Variants in ACO1 observed in about 807,000 individuals in gnomAD.
ACO1 encodes cytoplasmic aconitate hydratase.
In ACO1, 78 loss-of-function variants were observed where a neutral mutation model predicts 105.1. The observed-to-expected ratio is 0.74, with a 90% CI of 0.62 to 0.90. ACO1 has a LOEUF of 0.90. Ranked by LOEUF, ACO1 falls within the 40% of genes least tolerant of loss-of-function variation. The pLI is 0.00. For synonymous variants in ACO1, 364 were observed against 397.4 expected (o/e 0.92, Z 1.00); for missense variants, 965 against 1,111.1 (o/e 0.87, Z 1.87).
intron 19 of ACO1, among the ~76,000 whole-genome samples, chr9:32,446,029 A>G (rs1178127352): frequency 6.6e-6 from 1 of 152,272 alleles, no homozygotes; most frequent in Non-Finnish European, 1.5e-5. Flanking sequence ...TTTACTTCCA[A>G]TTATGTGGTC....
At chr9:32,436,197 G>A in intron 17 of ACO1, 53 bp from the exon 18 acceptor site, 1 of 1,610,170 alleles carries the variant, frequency 6.2e-7, no homozygotes, top group Non-Finnish European at 8.5e-7. Flanking sequence ...GTAAGCTAAG[G>A]TTAATCTTTG....
chr9:32,420,971 C>A lies in ACO1; in HGVS notation c.914C>A (p.Ala305Glu). The A allele has an allele frequency of 6.2e-7, 1 of 1,614,156 alleles. No homozygotes were observed. Among genetic ancestry groups the A allele is most frequent in the Non-Finnish European group, 8.5e-7 (1 of 1,180,018 alleles). Reference protein sequence around the residue: ...TIANMCPEYGATAAFFPVDEV... With the variant: ...TIANMCPEYGETAAFFPVDEV... The stretch of plus-strand genomic sequence containing the variant: ...GCTAACATGTGTCCAGAGTACGGAG[C>A]AACTGCTGCCTTTTTCCCAGTTGAT... Residue 305 changes from alanine (A) to glutamate (E), a missense_variant, in exon 8 of 21, where the codon GCA becomes GAA. By Grantham distance (107) the Ala-to-Glu change is moderately radical. Coordinates refer to ENST00000309951, the MANE Select transcript of ACO1 (RefSeq NM_002197.3).
chr9:32,418,908 T>C, intron 6 of ACO1, 130 bp from the exon 7 acceptor site: 2 of 1,136,280 alleles, frequency 1.8e-6, no homozygotes, highest in Non-Finnish European at 2.3e-6. Context: ...CTGCTCTTTA[T>C]AGAAACATGA....
intron 4 of ACO1, among the ~76,000 whole-genome samples, chr9:32,410,487 G>A (rs1423121681): frequency 6.6e-6 from 1 of 152,112 alleles, no homozygotes; most frequent in Non-Finnish European, 1.5e-5. Flanking sequence ...GTGAACTGGG[G>A]AGGCAGAGCT....
At chr9:32,407,919 C>A (rs767144315) in intron 3 of ACO1, among the ~76,000 whole-genome samples, 19 of 152,156 alleles carry the variant, frequency 1.2e-4, no homozygotes, top group Non-Finnish European at 2.4e-4. Flanking sequence ...TTTTAGATAT[C>A]CTTGCTCCCC....
At chr9:32,448,179 ATGGGGGTGTTATCTATAAGTACCTGAC>A (rs1310279249) in intron 19 of ACO1, among the ~76,000 whole-genome samples, 1 of 152,076 alleles carries the variant, frequency 6.6e-6, no homozygotes, top group Non-Finnish European at 1.5e-5. Flanking sequence ...TCCCAGGGAG[ATGGGGGTGTTATCTATAAGTACCTGAC>A]TGGGGCTGCT....
chr9:32,399,083 G>A (rs546740072), intron 1 of ACO1, among the ~76,000 whole-genome samples: 1 of 152,202 alleles, frequency 6.6e-6, no homozygotes, highest in Admixed American at 6.5e-5. Context: ...TCAAATTGTC[G>A]ACAGATTTTA....
At chr9:32,404,830 G>C (rs1193251800) in intron 1 of ACO1, among the ~76,000 whole-genome samples, 1 of 152,224 alleles carries the variant, frequency 6.6e-6, no homozygotes, top group African/African-American at 2.4e-5. Context: ...AGCTGAACGT[G>C]TGTCAGAATC....
chr9:32,431,164 G>A (rs1002897951), intron 14 of ACO1, among the ~76,000 whole-genome samples: 12 of 152,112 alleles, frequency 7.9e-5, no homozygotes, highest in African/African-American at 1.2e-4. Flanking sequence ...GTATGTTCAC[G>A]GTCATTCACA....
chr9:32,398,628 C>G (rs1821423566), intron 1 of ACO1, among the ~76,000 whole-genome samples: 1 of 149,248 alleles, frequency 6.7e-6, no homozygotes, highest in South Asian at 2.1e-4. Flanking sequence ...GAGTCTTGCT[C>G]TGTTACCCAG....
chr9:32,391,455 C>CA, intron 1 of ACO1, among the ~76,000 whole-genome samples: 1 of 152,342 alleles, frequency 6.6e-6, no homozygotes, highest in Admixed American at 6.5e-5. Context: ...AGTTGTTCCT[C>CA]AGATTCCTCA....
rs370556668 is a variant in ACO1, at chr9:32,406,547, A to G, written c.98-714A>G. On this transcript the variant is annotated intron_variant, in intron 2 of 20. Transcript: ENST00000309951. ...CTGAGGTGGGAGAATCACTTGAGCC[A>G]GGGAGTTTAAGGCTGCAATGAACTG... Among the ~76,000 whole-genome samples the G allele has an allele frequency of 2.6e-5, 4 of 152,180 alleles. No homozygotes were observed. In the East Asian group the frequency reaches 7.7e-4, roughly 29 times the overall value.
At chr9:32,395,525 G>A (rs1255865359) in intron 1 of ACO1, among the ~76,000 whole-genome samples, 2 of 152,218 alleles carry the variant, frequency 1.3e-5, no homozygotes, top group African/African-American at 4.8e-5. Context: ...GGGCTTAGTT[G>A]AGGTATCTGC....
chr9:32,402,220 C>A (rs1487792774), intron 1 of ACO1, among the ~76,000 whole-genome samples: 1 of 150,862 alleles, frequency 6.6e-6, no homozygotes, highest in East Asian at 1.9e-4. Flanking sequence ...CTCCTCTTTT[C>A]TCTTCTTGCC....
At chr9:32,406,483 TGTG>T (rs967740659) in intron 2 of ACO1, among the ~76,000 whole-genome samples, 12 of 152,014 alleles carry the variant, frequency 7.9e-5, no homozygotes, top group African/African-American at 2.9e-4. Flanking sequence ...ATTAGCTGGG[TGTG>T]GTGATGCTTA....
chr9:32,404,084 C>T (rs1227738866), intron 1 of ACO1, among the ~76,000 whole-genome samples: 2 of 152,084 alleles, frequency 1.3e-5, no homozygotes, highest in African/African-American at 4.8e-5. Context: ...ATAGGGCTTT[C>T]CCCTCTCCTG....
At chr9:32,430,620 G>T in intron 14 of ACO1, 46 bp downstream of exon 14, 1 of 1,554,424 alleles carries the variant, frequency 6.4e-7, no homozygotes, top group Non-Finnish European at 8.7e-7. Flanking sequence ...AGTGAATTCA[G>T]AAATATTACT....
intron 11 of ACO1, 64 bp downstream of exon 11, chr9:32,426,061 G>A: frequency 1.9e-6 from 3 of 1,541,998 alleles, no homozygotes; most frequent in South Asian, 2.4e-5. Context: ...GCCCGAGACA[G>A]GGCCCAGGGC....
intron 19 of ACO1, chr9:32,445,712 T>C: frequency 4.7e-6 from 1 of 213,074 alleles, no homozygotes; most frequent in South Asian, 4.8e-5. Flanking sequence ...TGTTAGGATG[T>C]CGATTTTAGA....
Sources: gnomAD v4.1 joint callset for allele counts (sites outside exome capture counted in the v4.1 genomes callset) on GRCh38, gnomAD v4.1.1 for gene constraint, MANE v1.5 for transcripts, NCBI Gene and HGNC (gene_info 2026-07-23, HGNC 2026-07-21) for gene names.